The following STYXL2 variants were observed in gnomAD, a reference collection of about 807,000 sequenced individuals.
STYXL2 encodes serine/threonine/tyrosine-interacting-like protein 2.
Under a neutral mutation model 52.4 loss-of-function variants are expected in STYXL2, and 44 were observed. The observed-to-expected ratio is 0.84, with a 90% CI of 0.66 to 1.08. The LOEUF is 1.08. STYXL2 is among the 50% of genes least tolerant of loss of function. STYXL2 has a pLI of 0.00. For synonymous variants in STYXL2, 604 were observed against 586.9 expected (o/e 1.03, Z -0.42); for missense variants, 1,604 against 1,471.7 (o/e 1.09, Z -1.47).
At position 167,128,151 on chromosome 1, in the gene STYXL2, T is replaced by G; in HGVS notation, c.3020T>G (p.Phe1007Cys). ...NGNSVRSTSRFSSSSTREGRE... is the reference protein window; with the variant it reads ...NGNSVRSTSRCSSSSTREGRE... Reference sequence around the variant, plus strand: ...AACTCTGTAAGAAGCACTTCACGGTTCTCATCTTCCTCCACCAGGGAGGGC... The same window carrying G: ...AACTCTGTAAGAAGCACTTCACGGTGCTCATCTTCCTCCACCAGGGAGGGC... Residue 1007 changes from phenylalanine (F) to cysteine (C), a missense_variant, in exon 6 of 6, where the codon TTC (phenylalanine) becomes TGC (cysteine). Transcript: ENST00000361200. The G allele has an allele frequency of 6.2e-7, 1 of 1,614,184 alleles. No homozygotes were observed. The highest frequency in any genetic ancestry group is 8.5e-7 in the Non-Finnish European group (1 of 1,180,032).
At chr1:167,114,902 C>G (rs1667696029) in intron 3 of STYXL2, among the ~76,000 whole-genome samples, 1 of 152,062 alleles carries the variant, frequency 6.6e-6, no homozygotes, top group South Asian at 2.1e-4. Context: ...CACTATAGCT[C>G]TAGAAAGTCT....
chr1:167,118,089 A>G (rs1667767359), intron 4 of STYXL2, among the ~76,000 whole-genome samples: 1 of 152,196 alleles, frequency 6.6e-6, no homozygotes, highest in African/African-American at 2.4e-5. Context: ...AAATGTGAAC[A>G]ATGTTTCTCT....
rs749845250 is a variant in STYXL2 at position 167,094,937 on chromosome 1, C to A, written c.88C>A (p.Leu30Ile). 3.5e-5 allele frequency: 56 copies of A among 1,607,188 alleles called. No individual in the cohort carries two copies. Among genetic ancestry groups the A allele is most frequent in the Non-Finnish European group, 4.7e-5 (55 of 1,177,388 alleles). ...ANVRAVQAHY[L>I]RSPSPSQYSM... ...CGTGAGGGCGGTGCAGGCCCACTAC[C>A]TCCGAAGCCCCTCCCCTAGCCAGTA... The change falls in exon 2 of 6, where the codon CTC becomes ATC. Residue 30 changes from leucine to isoleucine, a missense_variant. Transcript: ENST00000361200.
Position 167,119,276 on chromosome 1 carries a change from G to A in STYXL2, c.465G>A (p.Leu155=), listed in dbSNP as rs551052116. Residue 155 remains leucine, a synonymous_variant, in exon 5 of 6, where the codon CTG becomes CTA. Coordinates refer to ENST00000361200, the MANE Select transcript of STYXL2 (RefSeq NM_001080426.3). The part of the protein sequence containing the change: ...EKSVAVNKGR[L]KRLGITHILN... Reference sequence around the variant, plus strand: ...GTGTGGCTGTGAACAAGGGGAGGCTGAAGAGGCTGGGAATCACCCACATTC... The same window carrying A: ...GTGTGGCTGTGAACAAGGGGAGGCTAAAGAGGCTGGGAATCACCCACATTC... 8.0e-5 allele frequency: 129 copies of A among 1,614,240 alleles called. No individual in the cohort carries two copies. In the South Asian group the frequency reaches 8.6e-4, roughly 11 times the overall value.
rs367575094 is a variant in STYXL2, at chr1:167,127,968, A to T, written c.2837A>T (p.Glu946Val). 4 of 1,614,176 alleles carry T rather than the reference A, an allele frequency of 2.5e-6. No homozygotes were observed. The South Asian group carries it at 4.4e-5, about 18-fold the overall frequency. Reference sequence around the variant, plus strand: ...TGGCTCAGTGGCCTCAGGACGGAGGAAAAACCTCCTTTCCAAAGTGACTGG... The same window carrying T: ...TGGCTCAGTGGCCTCAGGACGGAGGTAAAACCTCCTTTCCAAAGTGACTGG... ...NKWLSGLRTE[E>V]KPPFQSDWSG... Residue 946 changes from glutamate (E) to valine (V), a missense_variant, in exon 6 of 6, where the codon GAA (glutamate) becomes GTA (valine). Transcript: ENST00000361200.
Position 167,113,783 on chromosome 1 carries a change from G to C in STYXL2, c.184G>C (p.Ala62Pro). ...CATTCACCTCTCCTCAGCCATTGCA[G>C]CCAAACAGATCATCAATGAAGGTAA... Reference protein sequence around the residue: ...EPIHLSSAIAAKQIINEELKP... With the variant: ...EPIHLSSAIAPKQIINEELKP... Residue 62 changes from alanine to proline, a missense_variant, in exon 3 of 6, where the codon GCC becomes CCC. Physicochemically the swap from Ala to Pro is conservative, Grantham distance 27. Transcript: ENST00000361200. The C allele has an allele frequency of 6.2e-7, 1 of 1,613,884 alleles. No homozygotes were observed. Among genetic ancestry groups the C allele is most frequent in the Non-Finnish European group, 8.5e-7 (1 of 1,179,800 alleles).
Position 167,127,520 on chromosome 1 carries a change from T to G in STYXL2, c.2389T>G (p.Ser797Ala). ...GGCAAGACCCAGCTCTGACATGCAG[T>G]CTGTGCTGTCCTGCAACACCACACT... The part of the protein sequence containing the change: ...SQARPSSDMQ[S>A]VLSCNTTLSS... Residue 797 changes from serine (S) to alanine (A), a missense_variant, in exon 6 of 6, where the codon TCT (serine) becomes GCT (alanine). Transcript: ENST00000361200. The G allele has an allele frequency of 6.2e-7, 1 of 1,614,046 alleles. No individual in the cohort carries two copies. The highest frequency in any genetic ancestry group is 8.5e-7 in the Non-Finnish European group (1 of 1,179,994).
chr1:167,108,245 T>C (rs73031148), intron 2 of STYXL2, among the ~76,000 whole-genome samples: 30,230 of 152,136 alleles, frequency 0.2, 3,177 homozygotes, highest in Middle Eastern at 0.25. Flanking sequence ...AAACCCTGAC[T>C]GATCACCCTC....
At chr1:167,095,413 T>G (rs1157039467) in intron 2 of STYXL2, among the ~76,000 whole-genome samples, 1 of 151,978 alleles carries the variant, frequency 6.6e-6, no homozygotes, top group Non-Finnish European at 1.5e-5. Context: ...ACTAAAATAA[T>G]TTTTTATCCA....
intron 3 of STYXL2, among the ~76,000 whole-genome samples, chr1:167,115,842 G>A (rs1667711031): frequency 6.6e-6 from 1 of 152,266 alleles, no homozygotes; most frequent in African/African-American, 2.4e-5. Context: ...GCAGGGATGT[G>A]GGGGTCCCTC....
In STYXL2 at chr1:167,128,246, C is replaced by T; in HGVS notation, c.3115C>T (p.Pro1039Ser). 1 of 1,614,192 alleles carries T rather than the reference C, an allele frequency of 6.2e-7. No homozygotes were observed. Among genetic ancestry groups the T allele is most frequent in the Non-Finnish European group, 8.5e-7 (1 of 1,180,038 alleles). The change falls in exon 6 of 6, where the codon CCC becomes TCC. Residue 1039 changes from proline to serine, a missense_variant. Pro to Ser is a moderately conservative substitution (Grantham distance 74). Coordinates refer to ENST00000361200, the MANE Select transcript of STYXL2 (RefSeq NM_001080426.3). Reference sequence around the variant, plus strand: ...AAGTTCCCGAGAGGAGAGCCCAGAGCCCTACTTCTTCCGCCGGACCCCAGA... The same window carrying T: ...AAGTTCCCGAGAGGAGAGCCCAGAGTCCTACTTCTTCCGCCGGACCCCAGA... ...TSSSREESPE[P>S]YFFRRTPESS...
intron 2 of STYXL2, among the ~76,000 whole-genome samples, chr1:167,100,857 G>A (rs1320468726): frequency 6.6e-6 from 1 of 152,144 alleles, no homozygotes; most frequent in African/African-American, 2.4e-5. Context: ...GCAAACATGT[G>A]GTGGCACTTC....
intron 2 of STYXL2, among the ~76,000 whole-genome samples, chr1:167,097,830 A>G (rs1667321324): frequency 6.6e-6 from 1 of 152,074 alleles, no homozygotes; most frequent in African/African-American, 2.4e-5. Context: ...CAATTTTTTT[A>G]AAAAGGCTAC....
chr1:167,111,893 T>C (rs531229142), intron 2 of STYXL2, among the ~76,000 whole-genome samples: 1 of 152,074 alleles, frequency 6.6e-6, no homozygotes, highest in South Asian at 2.1e-4. Context: ...TACTGAAATA[T>C]AAAAAAATGA....
At chr1:167,112,565 G>C (rs191475872) in intron 2 of STYXL2, among the ~76,000 whole-genome samples, 23 of 152,296 alleles carry the variant, frequency 1.5e-4, no homozygotes, top group African/African-American at 4.8e-4. Context: ...TCTGCATTGA[G>C]TCTGGGAATC....
In STYXL2 at chr1:167,113,800, T is replaced by A. The variant is rs748098874; in HGVS notation, c.201T>A (p.Asn67Lys). Residue 67 changes from asparagine to lysine, a missense_variant, in exon 3 of 6, where the codon AAT (asparagine) becomes AAA (lysine). Physicochemically the swap from Asn to Lys is moderately conservative, Grantham distance 94 (BLOSUM62 0). Coordinates refer to ENST00000361200, the MANE Select transcript of STYXL2 (RefSeq NM_001080426.3). ...CCATTGCAGCCAAACAGATCATCAA[T>A]GAAGGTAATGCAATCAAAAGCTGGG... ...SSAIAAKQII[N>K]EELKPPGVRA... 12 of 1,612,568 alleles carry A rather than the reference T, an allele frequency of 7.4e-6. No individual in the cohort carries two copies. The African/African-American group carries it at 9.4e-5, about 13-fold the overall frequency.
intron 4 of STYXL2, among the ~76,000 whole-genome samples, chr1:167,118,763 T>C (rs375186199): frequency 1.3e-5 from 2 of 152,356 alleles, no homozygotes. Context: ...GATTGAGTTT[T>C]ATAATCTTCA....
Position 167,128,584 on chromosome 1 carries a change from G to A in STYXL2, c.3453G>A (p.Lys1151=). 1 of 1,612,914 alleles carries A rather than the reference G, an allele frequency of 6.2e-7. No individual in the cohort carries two copies. Among genetic ancestry groups the A allele is most frequent in the Non-Finnish European group, 8.5e-7 (1 of 1,179,872 alleles). The stretch of plus-strand genomic sequence containing the variant: ...GCCGGCAAGAAGAAACCAGGACCAA[G>A]CTGCAGAAAAGGAGGGAGGACTGAG... ...WRRRQEETRT[K]LQKRRED is the part of the protein sequence containing the mutation. The change falls in exon 6 of 6, where the codon AAG becomes AAA. Residue 1151 remains lysine, a synonymous_variant. Transcript: ENST00000361200.
chr1:167,121,707 G>C (rs1571345464), intron 5 of STYXL2, among the ~76,000 whole-genome samples: 1 of 152,214 alleles, frequency 6.6e-6, no homozygotes, highest in Non-Finnish European at 1.5e-5. Context: ...TACCCAAGGC[G>C]GGCTGGGTCA....
Sources: gnomAD v4.1 joint callset for allele counts (sites outside exome capture counted in the v4.1 genomes callset) on GRCh38, gnomAD v4.1.1 for gene constraint, MANE v1.5 for transcripts, NCBI Gene and HGNC (gene_info 2026-07-23, HGNC 2026-07-21) for gene names.